SMYD3: variants seen among roughly 807,000 people sequenced by gnomAD.
The protein encoded by SMYD3 is SET and MYND domain containing 3.
Under a neutral mutation model 57.7 loss-of-function variants are expected in SMYD3, and 36 were observed. The ratio of observed to expected loss-of-function variants is 0.62; its 90% confidence interval spans 0.48 to 0.82. The LOEUF (loss-of-function observed/expected upper bound fraction) is 0.82. Ranked by LOEUF, SMYD3 falls within the 40% of genes least tolerant of loss-of-function variation. The probability of loss-of-function intolerance (pLI) is 0.00; values close to 1 mark genes in which losing one functional copy is unlikely to be tolerated. For synonymous variants in SMYD3, 211 were observed against 195.0 expected, an observed-to-expected ratio of 1.08 and a Z score of -0.68; for missense variants, 515 against 538.8, an observed-to-expected ratio of 0.96 and a Z score of 0.44.
In SMYD3 at chr1:246,049,600, C is replaced by T. The variant is rs149487029; in HGVS notation, c.532-119663G>A. On this transcript the variant is annotated intron_variant, in intron 5 of 11. Coordinates refer to ENST00000490107, the MANE Select transcript of SMYD3 (RefSeq NM_001167740.2). Reference sequence around the variant, plus strand: ...GATTACAGGCGTGAGCCACCGCGTCCGGCCCATACTATGTGTTTTAAACAC... The same window carrying T: ...GATTACAGGCGTGAGCCACCGCGTCTGGCCCATACTATGTGTTTTAAACAC... Among the ~76,000 whole-genome samples the T allele has an allele frequency of 2.6e-4, 40 of 152,152 alleles. 1 individual carries two copies. In the East Asian group the frequency reaches 6.2e-3, roughly 24 times the overall value.
chr1:246,294,187 C>A (rs969393984), intron 5 of SMYD3, among the ~76,000 whole-genome samples: 1 of 152,178 alleles, frequency 6.6e-6, no homozygotes, highest in African/African-American at 2.4e-5. Context: ...TAGCCATCAT[C>A]TGTATACTCT....
chr1:246,355,948 C>G lies in SMYD3; in HGVS notation c.165-854G>C, dbSNP rs1443082574. ...GAAACCTGAATAGGTAACCAGGCGA[C>G]CTTAGGGCAAGTTTGCTTCCTCCCT... is the stretch of plus-strand genomic sequence containing the variant. On this transcript the variant is annotated intron_variant, in intron 1 of 11. Coordinates refer to ENST00000490107, the MANE Select transcript of SMYD3 (RefSeq NM_001167740.2). The surrounding 1 kb of genome is among the most constrained non-coding windows in gnomAD (Gnocchi z 5.0). 6.6e-6 allele frequency among the ~76,000 whole-genome samples: 1 copy of G among 152,152 alleles called. No individual in the cohort carries two copies. Among genetic ancestry groups the G allele is most frequent in the East Asian group, 1.9e-4 (1 of 5,194 alleles).
chr1:246,281,824 A>C (rs1195243593), intron 5 of SMYD3, among the ~76,000 whole-genome samples: 10 of 152,202 alleles, frequency 6.6e-5, no homozygotes, highest in Non-Finnish European at 1.2e-4. Context: ...GAGAAGTTCC[A>C]AGACATAAGT....
chr1:245,879,554 T>C (rs1375948662), intron 8 of SMYD3, among the ~76,000 whole-genome samples: 1 of 152,194 alleles, frequency 6.6e-6, no homozygotes, highest in African/African-American at 2.4e-5. Context: ...CATCAAGAGA[T>C]CACAGAAAGC....
chr1:246,073,426 G>A (rs2060490726), intron 5 of SMYD3, among the ~76,000 whole-genome samples: 1 of 152,098 alleles, frequency 6.6e-6, no homozygotes, highest in Non-Finnish European at 1.5e-5. Context: ...TTAGAATTTA[G>A]GGATTTTAGG....
intron 5 of SMYD3, among the ~76,000 whole-genome samples, chr1:246,302,719 C>T (rs555669403): frequency 6.6e-6 from 1 of 152,202 alleles, no homozygotes; most frequent in African/African-American, 2.4e-5. Flanking sequence ...TGGAAACTGA[C>T]CCAATATGGC....
At chr1:246,314,055 A>C (rs1320386864) in intron 5 of SMYD3, among the ~76,000 whole-genome samples, 1 of 152,202 alleles carries the variant, frequency 6.6e-6, no homozygotes, top group Non-Finnish European at 1.5e-5. Context: ...ATCAGCACAG[A>C]ATCATTTGAC....
At chr1:246,285,465 C>T (rs374745585) in intron 5 of SMYD3, among the ~76,000 whole-genome samples, 50 of 152,142 alleles carry the variant, frequency 3.3e-4, no homozygotes, top group African/African-American at 1.2e-3. Context: ...TGGATCCTCA[C>T]CTCTCACCTT....
intron 5 of SMYD3, among the ~76,000 whole-genome samples, chr1:245,995,706 G>C (rs909842426): frequency 1.3e-5 from 2 of 152,232 alleles, no homozygotes; most frequent in Non-Finnish European, 1.5e-5. Flanking sequence ...GACGGAGCAG[G>C]GGCCTAGGCC....
Position 246,205,972 on chromosome 1 carries a change from T to C in SMYD3, c.531+121229A>G, listed in dbSNP as rs1032157625. 1.3e-5 allele frequency among the ~76,000 whole-genome samples: 2 copies of C among 152,146 alleles called. 1 individual carries two copies. On this transcript the variant is annotated intron_variant, in intron 5 of 11. Transcript: ENST00000490107. ...TATAAAAGGGTGAACAAATACTAAATTCACTGGTGTGATGAATTACCCATC... is the reference window on the plus strand; with the variant it reads ...TATAAAAGGGTGAACAAATACTAAACTCACTGGTGTGATGAATTACCCATC...
intron 10 of SMYD3, among the ~76,000 whole-genome samples, chr1:245,799,048 G>A (rs12098019): frequency 3.3e-5 from 5 of 152,184 alleles, no homozygotes; most frequent in Non-Finnish European, 5.9e-5. Context: ...CACAGAACAA[G>A]CTCTAGCCCT....
intron 5 of SMYD3, among the ~76,000 whole-genome samples, chr1:246,322,983 A>G (rs972786986): frequency 6.6e-5 from 10 of 152,224 alleles, no homozygotes; most frequent in Non-Finnish European, 1.3e-4. Context: ...GGAGGTTGAT[A>G]TATTTCCCTC....
chr1:246,284,789 T>G (rs1014659182), intron 5 of SMYD3, among the ~76,000 whole-genome samples: 4 of 152,130 alleles, frequency 2.6e-5, no homozygotes, highest in Admixed American at 2.6e-4. Flanking sequence ...CTTAAGGGAG[T>G]ATGGTAAATT....
intron 1 of SMYD3, among the ~76,000 whole-genome samples, chr1:246,379,539 A>C (rs1265549838): frequency 6.6e-6 from 1 of 152,226 alleles, no homozygotes; most frequent in Non-Finnish European, 1.5e-5. Flanking sequence ...TCACATATCT[A>C]ACAATGAAAA....
intron 5 of SMYD3, among the ~76,000 whole-genome samples, chr1:246,166,715 C>T (rs1349870743): frequency 6.6e-6 from 1 of 152,182 alleles, no homozygotes; most frequent in Non-Finnish European, 1.5e-5. Flanking sequence ...AATATGTGCT[C>T]CATAAAAGCT....
At chr1:246,442,417 C>G (rs997235333) in intron 1 of SMYD3, among the ~76,000 whole-genome samples, 1 of 151,984 alleles carries the variant, frequency 6.6e-6, no homozygotes, top group Non-Finnish European at 1.5e-5. Context: ...GGCGTGGTGA[C>G]GCACACCTGT....
chr1:246,322,862 AAAAC>A (rs1399085106), intron 5 of SMYD3, among the ~76,000 whole-genome samples: 3 of 152,218 alleles, frequency 2.0e-5, no homozygotes. Context: ...CATTTAGTGC[AAAAC>A]AAACATTTTA....
At chr1:246,249,034 A>G (rs1401437056) in intron 5 of SMYD3, among the ~76,000 whole-genome samples, 1 of 151,924 alleles carries the variant, frequency 6.6e-6, no homozygotes, top group Admixed American at 6.6e-5. Flanking sequence ...CGAAAACTAC[A>G]AAGTGCATTT....
chr1:245,843,051 T>C (rs2050483565), intron 10 of SMYD3, among the ~76,000 whole-genome samples: 1 of 152,142 alleles, frequency 6.6e-6, no homozygotes, highest in South Asian at 2.1e-4. Flanking sequence ...TAATAGAAAA[T>C]TCATGGGTGG....
Sources: allele counts gnomAD v4.1 joint callset (sites outside exome capture counted in the v4.1 genomes callset), GRCh38; gene constraint gnomAD v4.1.1; non-coding constraint Gnocchi (gnomAD v3.1); transcripts MANE v1.5; gene names NCBI Gene and HGNC (gene_info 2026-07-23, HGNC 2026-07-21).